NPAS3: variants seen among roughly 807,000 people sequenced by gnomAD.
NPAS3 encodes neuronal PAS domain-containing protein 3.
NPAS3 carries 14 observed loss-of-function variants against 73.1 expected under a neutral mutation model. The observed-to-expected ratio is 0.19, with a 90% CI of 0.13 to 0.30. The LOEUF (loss-of-function observed/expected upper bound fraction) is 0.30. Among genes scored for constraint, NPAS3 ranks in the 10% least tolerant of loss-of-function variants. The probability of loss-of-function intolerance (pLI) is 1.00; values close to 1 mark genes in which losing one functional copy is unlikely to be tolerated. For synonymous variants in NPAS3, 620 were observed against 541.5 expected (o/e 1.14, Z -2.01); for missense variants, 1,096 against 1,250.0 (o/e 0.88, Z 1.86).
chr14:33,578,028 A>T (rs1199755122), intron 5 of NPAS3, among the ~76,000 whole-genome samples: 1 of 152,160 alleles, frequency 6.6e-6, no homozygotes, highest in Non-Finnish European at 1.5e-5. Flanking sequence ...TTGAGTTTGG[A>T]ATTTACTTCT....
At chr14:33,209,851 T>G (rs2139646472) in intron 2 of NPAS3, among the ~76,000 whole-genome samples, 1 of 152,352 alleles carries the variant, frequency 6.6e-6, no homozygotes, top group South Asian at 2.1e-4. Flanking sequence ...TCTAAAAGTT[T>G]ACGTGAAGGT....
intron 4 of NPAS3, among the ~76,000 whole-genome samples, chr14:33,401,153 C>T (rs1011605839): frequency 5.9e-5 from 9 of 152,220 alleles, no homozygotes; most frequent in African/African-American, 1.7e-4. Context: ...AAAAAACAGG[C>T]CTGTGCTGTA....
At position 33,781,072 on chromosome 14, in the gene NPAS3, A is replaced by G. The variant is rs181479119; in HGVS notation, c.1153+2500A>G. ...TAAAATACACTTCACATATTTAGCT[A>G]TCATGCTGTGGAATAACTCCACAAT... On this transcript the variant is annotated intron_variant, in intron 9 of 11. Coordinates refer to ENST00000356141, the Ensembl canonical transcript of NPAS3. Among the ~76,000 whole-genome samples the G allele has an allele frequency of 1.4e-3, 207 of 152,368 alleles. No homozygotes were observed. In the Middle Eastern group the frequency reaches 0.014, roughly 10 times the overall value.
intron 4 of NPAS3, among the ~76,000 whole-genome samples, chr14:33,411,666 C>T (rs1054916027): frequency 1.3e-5 from 2 of 152,180 alleles, no homozygotes; most frequent in African/African-American, 4.8e-5. Flanking sequence ...TTGTCTAAAT[C>T]TCAGACCAGC....
At chr14:33,119,105 C>A (rs547829906) in intron 2 of NPAS3, among the ~76,000 whole-genome samples, 1 of 151,826 alleles carries the variant, frequency 6.6e-6, no homozygotes, top group Non-Finnish European at 1.5e-5. Flanking sequence ...TACTATATAC[C>A]AGCAAAACTT....
At position 33,535,745 on chromosome 14, in the gene NPAS3, A is replaced by T. The variant is rs572922086; in HGVS notation, c.469-24376A>T. 4.6e-5 allele frequency among the ~76,000 whole-genome samples: 7 copies of T among 152,274 alleles called. No individual in the cohort carries two copies. The East Asian group carries it at 1.4e-3, about 29-fold the overall frequency. On this transcript the variant is annotated intron_variant, in intron 4 of 11. Coordinates refer to ENST00000356141, the Ensembl canonical transcript of NPAS3. Reference sequence around the variant, plus strand: ...AATTACTCTTAAAATTTCTTAAGCCATTTTGCCATTATTGAAAGGTCTTTG... The same window carrying T: ...AATTACTCTTAAAATTTCTTAAGCCTTTTTGCCATTATTGAAAGGTCTTTG...
chr14:33,208,230 G>T (rs959266984), intron 2 of NPAS3, among the ~76,000 whole-genome samples: 1 of 152,006 alleles, frequency 6.6e-6, no homozygotes, highest in Non-Finnish European at 1.5e-5. Context: ...TGAATAGTTT[G>T]GTCTTGCTGT....
intron 3 of NPAS3, among the ~76,000 whole-genome samples, chr14:33,255,875 T>C (rs2048762190): frequency 6.6e-6 from 1 of 152,180 alleles, no homozygotes; most frequent in Non-Finnish European, 1.5e-5. Flanking sequence ...TTACAAAGGT[T>C]CAGGTCAGTA....
At chr14:33,311,851 A>G (rs1303152596) in intron 3 of NPAS3, among the ~76,000 whole-genome samples, 1 of 152,156 alleles carries the variant, frequency 6.6e-6, no homozygotes, top group Non-Finnish European at 1.5e-5. Context: ...CTTTGAGATG[A>G]ATCTTGAAGG....
chr14:33,531,469 T>C (rs912063239), intron 4 of NPAS3, among the ~76,000 whole-genome samples: 3 of 152,156 alleles, frequency 2.0e-5, no homozygotes, highest in African/African-American at 7.2e-5. Flanking sequence ...CTTTCAAGAC[T>C]GGCTTCTTTC....
In NPAS3 at chr14:33,623,723, C is replaced by A. The variant is rs146370784; in HGVS notation, c.559-52488C>A. ...CCTCCTCCCCACACACCTTTTATTTCTCTGTTGTTATCTCCTATTATTTCG... is the reference window on the plus strand; with the variant it reads ...CCTCCTCCCCACACACCTTTTATTTATCTGTTGTTATCTCCTATTATTTCG... On this transcript the variant is annotated intron_variant, in intron 5 of 11. Coordinates refer to ENST00000356141, the Ensembl canonical transcript of NPAS3. Among the ~76,000 whole-genome samples, 244 of 152,282 alleles carry A rather than the reference C, an allele frequency of 1.6e-3. 2 individuals are homozygous for A. Among genetic ancestry groups the A allele is most frequent in the African/African-American group, 5.3e-3 (221 of 41,552 alleles).
intron 7 of NPAS3, among the ~76,000 whole-genome samples, chr14:33,767,609 T>TTTC (rs2062506494): frequency 1.3e-5 from 2 of 151,546 alleles, no homozygotes; most frequent in East Asian, 3.9e-4. Flanking sequence ...CTTTTTTTTT[T>TTTC]TTTTTTCGTA....
intron 5 of NPAS3, among the ~76,000 whole-genome samples, chr14:33,563,930 A>G (rs1322157067): frequency 1.3e-5 from 2 of 152,242 alleles, no homozygotes; most frequent in East Asian, 3.8e-4. Flanking sequence ...CTTAATCGCC[A>G]AAGAATCCAA....
chr14:33,258,025 C>G (rs2048840226), intron 3 of NPAS3, among the ~76,000 whole-genome samples: 1 of 152,126 alleles, frequency 6.6e-6, no homozygotes, highest in African/African-American at 2.4e-5. Context: ...GCTGACACTT[C>G]CGGAGAGTAG....
At chr14:33,470,938 A>AAAG (rs917484609) in intron 4 of NPAS3, among the ~76,000 whole-genome samples, 1 of 151,660 alleles carries the variant, frequency 6.6e-6, no homozygotes, top group African/African-American at 2.4e-5. Flanking sequence ...ATATTTAAAA[A>AAAG]AAAAAAAAAA....
intron 5 of NPAS3, among the ~76,000 whole-genome samples, chr14:33,626,245 G>A (rs2058215974): frequency 6.6e-6 from 1 of 152,114 alleles, no homozygotes; most frequent in Non-Finnish European, 1.5e-5. Context: ...TGTATTGAAG[G>A]TAATATTTGC....
chr14:33,664,452 G>A (rs549827220), intron 5 of NPAS3, among the ~76,000 whole-genome samples: 17 of 152,280 alleles, frequency 1.1e-4, no homozygotes, highest in African/African-American at 3.8e-4. Flanking sequence ...TCAGGACATA[G>A]GCATGGGCAA....
chr14:33,721,262 G>A lies in NPAS3; in HGVS notation c.734-13952G>A, dbSNP rs181192258. On this transcript the variant is annotated intron_variant, in intron 6 of 11. Coordinates refer to ENST00000356141, the Ensembl canonical transcript of NPAS3. ...TACACACTGCTATCTTACCTGGTCG[G>A]GGAGAGGTATTCTGTTAGAGAAAAG... Among the ~76,000 whole-genome samples, 449 of 152,236 alleles carry A rather than the reference G, an allele frequency of 2.9e-3. 1 individual carries two copies. The highest frequency in any genetic ancestry group is 5.1e-3 in the Non-Finnish European group (349 of 68,016).
chr14:33,752,605 A>G (rs1466915438), intron 7 of NPAS3, among the ~76,000 whole-genome samples: 1 of 152,238 alleles, frequency 6.6e-6, no homozygotes, highest in Non-Finnish European at 1.5e-5. Context: ...TTATAGACAT[A>G]TGCATTCATA....
Sources: gnomAD v4.1 joint callset for allele counts (sites outside exome capture counted in the v4.1 genomes callset) on GRCh38, gnomAD v4.1.1 for gene constraint, MANE v1.5 for transcripts, NCBI Gene and HGNC (gene_info 2026-07-23, HGNC 2026-07-21) for gene names.